The following ESR1 variants were observed in gnomAD, a reference collection of about 807,000 sequenced individuals.
ESR1 encodes estrogen receptor 1.
A neutral mutation model predicts 52.7 loss-of-function variants in ESR1; 12 were observed. That is an observed-to-expected ratio of 0.23 (90% CI 0.15 to 0.37). ESR1 has a LOEUF of 0.37. ESR1 is among the 10% of genes least tolerant of loss of function. The probability of loss-of-function intolerance (pLI) is 1.00; values close to 1 mark genes in which losing one functional copy is unlikely to be tolerated. For missense variants in ESR1, 584 were observed against 779.7 expected, an observed-to-expected ratio of 0.75 and a Z score of 2.99; for synonymous variants, 305 against 316.8, an observed-to-expected ratio of 0.96 and a Z score of 0.39.
At chr6:151,839,662 A>G (rs926397551) in intron 1 of ESR1, among the ~76,000 whole-genome samples, 15 of 152,228 alleles carry the variant, frequency 9.9e-5, no homozygotes, top group African/African-American at 3.6e-4. Context: ...TATTAGTCAC[A>G]TCATGGACCT....
intron 3 of ESR1, among the ~76,000 whole-genome samples, chr6:151,940,072 A>C (rs557228444): frequency 2.6e-5 from 4 of 152,194 alleles, no homozygotes; most frequent in Admixed American, 6.5e-5. Context: ...ATGAACTCAC[A>C]GTTCCACATG....
downstream of ESR1, among the ~76,000 whole-genome samples, chr6:152,105,486 C>T (rs1290543407): frequency 2.7e-5 from 4 of 149,404 alleles, no homozygotes; most frequent in African/African-American, 9.9e-5. Flanking sequence ...AGTGCAGTGG[C>T]ACAATCTTGG....
At chr6:151,662,930 A>T (rs1217627777) in intron 1 of ESR1, among the ~76,000 whole-genome samples, 2 of 152,212 alleles carry the variant, frequency 1.3e-5, no homozygotes, top group East Asian at 3.8e-4. Flanking sequence ...TATTCTGTGT[A>T]GTGGAAAGCA....
intron 2 of ESR1, among the ~76,000 whole-genome samples, chr6:151,758,099 A>G (rs2128090815): frequency 6.6e-6 from 1 of 152,314 alleles, no homozygotes; most frequent in South Asian, 2.1e-4. Flanking sequence ...TTGTAGTTTC[A>G]TGGTCTTGCT....
At chr6:151,677,243 C>T (rs550847461) in intron 1 of ESR1, among the ~76,000 whole-genome samples, 2 of 152,278 alleles carry the variant, frequency 1.3e-5, no homozygotes, top group African/African-American at 4.8e-5. Flanking sequence ...ACACCAGTAA[C>T]GATAGGTTTC....
intron 3 of ESR1, among the ~76,000 whole-genome samples, chr6:151,901,371 C>G (rs1796667017): frequency 1.3e-5 from 2 of 152,216 alleles, no homozygotes; most frequent in Non-Finnish European, 2.9e-5. Flanking sequence ...AGCCTCCCAG[C>G]AAAGAATGTA....
intron 4 of ESR1, among the ~76,000 whole-genome samples, chr6:151,983,216 T>C (rs903782639): frequency 6.6e-6 from 1 of 152,048 alleles, no homozygotes; most frequent in African/African-American, 2.4e-5. Flanking sequence ...ATGGGATCAA[T>C]GAAGTGGGTC....
chr6:152,039,342 A>G (rs2045592607), intron 5 of ESR1, among the ~76,000 whole-genome samples: 1 of 152,082 alleles, frequency 6.6e-6, no homozygotes, highest in Non-Finnish European at 1.5e-5. Flanking sequence ...TATTCCACAC[A>G]TGTTCTTCCT....
chr6:151,676,618 T>C (rs1315727623), intron 1 of ESR1, among the ~76,000 whole-genome samples: 1 of 152,194 alleles, frequency 6.6e-6, no homozygotes, highest in African/African-American at 2.4e-5. Context: ...CAAATGGTGC[T>C]AATTAGCAGA....
At chr6:152,032,712 T>C (rs932759209) in intron 5 of ESR1, among the ~76,000 whole-genome samples, 5 of 152,220 alleles carry the variant, frequency 3.3e-5, no homozygotes, top group African/African-American at 1.2e-4. Flanking sequence ...ATGGCCATAC[T>C]GCCCAAGGTA....
chr6:151,927,906 T>C (rs983258455), intron 3 of ESR1, among the ~76,000 whole-genome samples: 4 of 151,804 alleles, frequency 2.6e-5, no homozygotes, highest in African/African-American at 9.7e-5. Flanking sequence ...GTATTTTTAG[T>C]AGAGATGAAG....
intron 3 of ESR1, among the ~76,000 whole-genome samples, chr6:151,935,028 G>A (rs2034186109): frequency 6.6e-6 from 1 of 152,168 alleles, no homozygotes; most frequent in Non-Finnish European, 1.5e-5. Flanking sequence ...TAAAATTATG[G>A]GCTCTGAAAT....
chr6:151,846,442 T>G (rs572494074), intron 2 of ESR1, among the ~76,000 whole-genome samples: 7 of 152,338 alleles, frequency 4.6e-5, no homozygotes, highest in Admixed American at 1.3e-4. Context: ...TTTGCTGAAA[T>G]TGTCTGTGAC....
intron 2 of ESR1, among the ~76,000 whole-genome samples, chr6:151,864,651 C>T (rs562616309): frequency 1.4e-4 from 21 of 152,130 alleles, no homozygotes; most frequent in Middle Eastern, 3.4e-3. Context: ...ATGTTTATTG[C>T]GGCACTATTC....
intron 4 of ESR1, among the ~76,000 whole-genome samples, chr6:152,010,792 T>C (rs1230299431): frequency 6.6e-6 from 1 of 152,072 alleles, no homozygotes; most frequent in Non-Finnish European, 1.5e-5. Context: ...GTTGTTGTAT[T>C]CATAAATAAA....
At chr6:151,849,986 A>ATATATATATATAATTTT (rs1786031322) in intron 2 of ESR1, among the ~76,000 whole-genome samples, 3 of 37,212 alleles carry the variant, frequency 8.1e-5, no homozygotes, top group South Asian at 1.5e-3. Flanking sequence ...AATTATATAT[A>ATATATATATATAATTTT]TATATATATA....
intron 2 of ESR1, among the ~76,000 whole-genome samples, chr6:151,750,302 A>G (rs1438277178): frequency 6.6e-6 from 1 of 152,150 alleles, no homozygotes; most frequent in Non-Finnish European, 1.5e-5. Context: ...TATTTGTGTT[A>G]CTGTCCCTGA....
At chr6:152,038,164 C>T (rs1307973090) in intron 5 of ESR1, among the ~76,000 whole-genome samples, 1 of 152,126 alleles carries the variant, frequency 6.6e-6, no homozygotes, top group Non-Finnish European at 1.5e-5. Flanking sequence ...GGATTGGAGT[C>T]CAATGTTTGA....
intron 6 of ESR1, among the ~76,000 whole-genome samples, chr6:152,065,060 C>T (rs1461683506): frequency 2.6e-5 from 4 of 152,244 alleles, no homozygotes; most frequent in Middle Eastern, 3.4e-3. Context: ...CTGGCTTAAA[C>T]GGAGTAGGTT....
Sources: gnomAD v4.1 joint callset for allele counts (sites outside exome capture counted in the v4.1 genomes callset) on GRCh38, gnomAD v4.1.1 for gene constraint, MANE v1.5 for transcripts, NCBI Gene and HGNC (gene_info 2026-07-23, HGNC 2026-07-21) for gene names.